CELSR1: variants seen among roughly 807,000 people sequenced by gnomAD.
CELSR1 encodes the protein cadherin EGF LAG seven-pass G-type receptor 1.
CELSR1 carries 110 observed loss-of-function variants against 249.1 expected under a neutral mutation model. That is an observed-to-expected ratio of 0.44 (90% CI 0.38 to 0.52). CELSR1 has a LOEUF of 0.52. Among genes scored for constraint, CELSR1 ranks in the 20% least tolerant of loss-of-function variants. The pLI is 0.00. For synonymous variants in CELSR1, 2,113 were observed against 1,900.0 expected (o/e 1.11, Z -2.92); for missense variants, 4,109 against 4,296.4 (o/e 0.96, Z 1.22).
chr22:46,529,080 A>G (rs1429127511), intron 1 of CELSR1, among the ~76,000 whole-genome samples: 1 of 151,844 alleles, frequency 6.6e-6, no homozygotes, highest in African/African-American at 2.4e-5. Flanking sequence ...CTTGGCTAAC[A>G]CGGTGAAACC....
chr22:46,510,206 A>G (rs1011009424), intron 1 of CELSR1, among the ~76,000 whole-genome samples: 1 of 152,172 alleles, frequency 6.6e-6, no homozygotes, highest in Admixed American at 6.5e-5. Flanking sequence ...CTGGTGTGAA[A>G]TAAAAAAATG....
chr22:46,364,748 G>A lies in CELSR1; in HGVS notation c.8555-12C>T. The A allele has an allele frequency of 6.2e-7, 1 of 1,609,270 alleles. No individual in the cohort carries two copies. The highest frequency in any genetic ancestry group is 1.7e-5 in the Admixed American group (1 of 59,846). On this transcript the variant is annotated splice_polypyrimidine_tract_variant and intron_variant, in intron 32 of 34. Coordinates refer to ENST00000674500, the MANE Select transcript of CELSR1 (RefSeq NM_001378328.1). ...GGCCACAGCGTCCCCTGAGGCACGAGAGCGGTGCTCAGCAGGCAGCGGCAC... is the reference window on the plus strand; with the variant it reads ...GGCCACAGCGTCCCCTGAGGCACGAAAGCGGTGCTCAGCAGGCAGCGGCAC...
At chr22:46,503,924 C>T (rs1339097860) in intron 1 of CELSR1, among the ~76,000 whole-genome samples, 1 of 152,016 alleles carries the variant, frequency 6.6e-6, no homozygotes, top group Admixed American at 6.6e-5. Context: ...GTCCCAGCTA[C>T]TCAGGAGGCT....
chr22:46,511,929 C>G (rs1408746713), intron 1 of CELSR1, among the ~76,000 whole-genome samples: 1 of 152,180 alleles, frequency 6.6e-6, no homozygotes, highest in Non-Finnish European at 1.5e-5. Flanking sequence ...TAGGTAAGAG[C>G]ATCCCCTGCC....
chr22:46,492,429 A>G lies in CELSR1; in HGVS notation c.3545-28084T>C, dbSNP rs146436863. On this transcript the variant is annotated intron_variant, in intron 1 of 34. Coordinates refer to ENST00000674500, the MANE Select transcript of CELSR1 (RefSeq NM_001378328.1). Reference sequence around the variant, plus strand: ...CTGGCCCAATTTCAACCAGGGACAGAAATTACCTCTTTTTTCTTTTCCATA... The same window carrying G: ...CTGGCCCAATTTCAACCAGGGACAGGAATTACCTCTTTTTTCTTTTCCATA... Among the ~76,000 whole-genome samples, 4 of 152,336 alleles carry G rather than the reference A, an allele frequency of 2.6e-5. No homozygotes were observed. The East Asian group carries it at 7.7e-4, about 29-fold the overall frequency.
intron 1 of CELSR1, among the ~76,000 whole-genome samples, chr22:46,479,790 G>A (rs553563494): frequency 2.0e-5 from 3 of 151,418 alleles, no homozygotes; most frequent in Admixed American, 6.6e-5. Context: ...GTGCCATGCC[G>A]GAGCAGGAAC....
chr22:46,415,231 C>G (rs1212700300), intron 5 of CELSR1, among the ~76,000 whole-genome samples: 1 of 152,168 alleles, frequency 6.6e-6, no homozygotes, highest in Non-Finnish European at 1.5e-5. Context: ...CTCACTGCAA[C>G]CTCCGCCTCC....
chr22:46,487,414 C>T (rs985946888), intron 1 of CELSR1, among the ~76,000 whole-genome samples: 1 of 148,036 alleles, frequency 6.8e-6, no homozygotes, highest in African/African-American at 2.5e-5. Flanking sequence ...TTTGCGGGCC[C>T]TGTGTGTACG....
rs2079743723 is a variant in CELSR1, at chr22:46,441,180, A to G, written c.4184-1769T>C. On this transcript the variant is annotated intron_variant, in intron 2 of 34. Coordinates refer to ENST00000674500, the MANE Select transcript of CELSR1 (RefSeq NM_001378328.1). This position sits in a 1 kb window ranked among gnomAD's most constrained non-coding sequence, Gnocchi z 6.1. ...AAAAAAAAAAAAAAGAGAGACTGCT[A>G]TAAAGATGGAACTGGGGGGACATCC... Among the ~76,000 whole-genome samples, 1 of 151,254 alleles carries G rather than the reference A, an allele frequency of 6.6e-6. No homozygotes were observed. The highest frequency in any genetic ancestry group is 1.5e-5 in the Non-Finnish European group (1 of 67,880).
At chr22:46,532,909 C>T (rs1400285361) in intron 1 of CELSR1, among the ~76,000 whole-genome samples, 1 of 152,184 alleles carries the variant, frequency 6.6e-6, no homozygotes, top group East Asian at 1.9e-4. Flanking sequence ...GCCAAGGTTT[C>T]CTCTCCCTCC....
Position 46,518,233 on chromosome 22 carries a change from A to G in CELSR1, c.3544+15394T>C, listed in dbSNP as rs975965973. Among the ~76,000 whole-genome samples the G allele has an allele frequency of 6.6e-6, 1 of 152,142 alleles. No homozygotes were observed. The highest frequency in any genetic ancestry group is 1.5e-5 in the Non-Finnish European group (1 of 68,026). On this transcript the variant is annotated intron_variant, in intron 1 of 34. Transcript: ENST00000674500. This position sits in a 1 kb window ranked among gnomAD's most constrained non-coding sequence, Gnocchi z 5.2. The stretch of plus-strand genomic sequence containing the variant: ...CCTCGGCATCCCCTTTCTAAAGGAC[A>G]TCTCAAAGCACAGCGCGGCCCCTCA...
rs1171086177 is a variant in CELSR1 at position 46,436,078 on chromosome 22, A to C, written c.4522+96T>G. The C allele has an allele frequency of 2.3e-6, 2 of 865,576 alleles. No homozygotes were observed. The highest frequency in any genetic ancestry group is 4.1e-5 in the Admixed American group (2 of 48,734). The allele number at this position is 865,576 out of a possible 1,614,324, so 53.6% of individuals were successfully genotyped here. A position where few individuals can be genotyped will look rare whatever the true frequency, so the allele number is the denominator to read the frequency against. On this transcript the variant is annotated intron_variant, in intron 4 of 34. Transcript: ENST00000674500. This position sits in a 1 kb window ranked among gnomAD's most constrained non-coding sequence, Gnocchi z 5.9. ...CCTACAAGTGAGGGATGAAAGGGTA[A>C]GCAGCTTGGAGGCGCTGCACAGGGC...
At chr22:46,452,076 C>T (rs1490780976) in intron 2 of CELSR1, among the ~76,000 whole-genome samples, 2 of 152,150 alleles carry the variant, frequency 1.3e-5, no homozygotes, top group African/African-American at 2.4e-5. Flanking sequence ...ACCTTGATTT[C>T]GGCCTTCCAG....
At chr22:46,452,554 G>A (rs2079898582) in intron 2 of CELSR1, among the ~76,000 whole-genome samples, 1 of 152,196 alleles carries the variant, frequency 6.6e-6, no homozygotes, top group Non-Finnish European at 1.5e-5. Context: ...GGTCCCTACA[G>A]CCCCAGCACC....
chr22:46,536,676 G>T lies in CELSR1; in HGVS notation c.495C>A (p.Arg165=), dbSNP rs2080860936. ...ACRCPPRPRP[R]CPGRPICLPP... The stretch of plus-strand genomic sequence containing the variant: ...GCAGGCAGATGGGACGGCCGGGACA[G>T]CGGGGCCTGGGGCGCGGCGGGCAGC... Residue 165 remains arginine (R), a synonymous_variant, in exon 1 of 35, where the codon CGC becomes CGA. Coordinates refer to ENST00000674500, the MANE Select transcript of CELSR1 (RefSeq NM_001378328.1). 7 of 1,170,640 alleles carry T rather than the reference G, an allele frequency of 6.0e-6. No homozygotes were observed. In the East Asian group the frequency reaches 2.8e-4, roughly 47 times the overall value. 72.5% of individuals were successfully genotyped at this position (1,170,640 alleles called of 1,614,324 possible).
intron 5 of CELSR1, among the ~76,000 whole-genome samples, chr22:46,418,092 A>G (rs1197648987): frequency 6.6e-6 from 1 of 152,256 alleles, no homozygotes; most frequent in Non-Finnish European, 1.5e-5. Flanking sequence ...CATGCCTGCT[A>G]TTGTTACTTC....
chr22:46,481,286 C>T (rs1249257287), intron 1 of CELSR1: 1 of 459,612 alleles, frequency 2.2e-6, no homozygotes, highest in Non-Finnish European at 4.0e-6. Context: ...ATAAAAAATA[C>T]ATTATTGCCC....
In CELSR1 at chr22:46,430,089, G is replaced by A. The variant is rs2079576970; in HGVS notation, c.4611+3304C>T. Among the ~76,000 whole-genome samples, 1 of 152,200 alleles carries A rather than the reference G, an allele frequency of 6.6e-6. No individual in the cohort carries two copies. The highest frequency in any genetic ancestry group is 2.1e-4 in the South Asian group (1 of 4,830). On this transcript the variant is annotated intron_variant, in intron 5 of 34. Coordinates refer to ENST00000674500, the MANE Select transcript of CELSR1 (RefSeq NM_001378328.1). This position sits in a 1 kb window ranked among gnomAD's most constrained non-coding sequence, Gnocchi z 4.6. ...GGTTGCACGTGGAGGCAGTGCAGGA[G>A]GCCACTCTGACAGGCAACACCCGGG...
Position 46,423,820 on chromosome 22 carries a change from A to C in CELSR1, c.4611+9573T>G, listed in dbSNP as rs1452361155. ...AATCCCATCTCTACTAAAAATACCA[A>C]AATTAGCCAGGCGTGGTGGTGGTGC... On this transcript the variant is annotated intron_variant, in intron 5 of 34. Transcript: ENST00000674500. This position sits in a 1 kb window ranked among gnomAD's most constrained non-coding sequence, Gnocchi z 5.6. Among the ~76,000 whole-genome samples the C allele has an allele frequency of 1.3e-5, 2 of 151,464 alleles. No homozygotes were observed. Among genetic ancestry groups the C allele is most frequent in the African/African-American group, 4.9e-5 (2 of 41,178 alleles).
Sources: allele counts gnomAD v4.1 joint callset (sites outside exome capture counted in the v4.1 genomes callset), GRCh38; gene constraint gnomAD v4.1.1; non-coding constraint Gnocchi (gnomAD v3.1); transcripts MANE v1.5; gene names NCBI Gene and HGNC (gene_info 2026-07-23, HGNC 2026-07-21).